Variants in RGS7 observed in about 807,000 individuals in gnomAD.
RGS7 encodes the protein regulator of G protein signaling 7.
In RGS7, 27 loss-of-function variants were observed where a neutral mutation model predicts 81.1. The ratio of observed to expected loss-of-function variants is 0.33; its 90% CI spans 0.25 to 0.46. The LOEUF (loss-of-function observed/expected upper bound fraction) is 0.46, where lower values mean the gene tolerates loss of function less well. RGS7 is among the 20% of genes least tolerant of loss of function. The pLI is 1.00. For synonymous variants in RGS7, 208 were observed against 207.7 expected (o/e 1.00, Z -0.01); for missense variants, 396 against 607.4 (o/e 0.65, Z 3.66).
intron 3 of RGS7, among the ~76,000 whole-genome samples, chr1:240,999,293 T>C (rs186829973): frequency 1.6e-4 from 24 of 152,014 alleles, no homozygotes; most frequent in Admixed American, 1.5e-3. Flanking sequence ...CCAATCTTTT[T>C]TGGCTTCCCT....
chr1:241,268,419 C>T (rs987246348), intron 2 of RGS7, among the ~76,000 whole-genome samples: 1 of 152,176 alleles, frequency 6.6e-6, no homozygotes, highest in African/African-American at 2.4e-5. Flanking sequence ...CCACTACACG[C>T]CAGGAGCACC....
At chr1:241,308,790 CAAAGA>C (rs986723512) in intron 2 of RGS7, among the ~76,000 whole-genome samples, 1 of 152,064 alleles carries the variant, frequency 6.6e-6, no homozygotes, top group Non-Finnish European at 1.5e-5. Flanking sequence ...CTTGGTTCAG[CAAAGA>C]AAAGAAAGGA....
At chr1:241,339,256 T>A (rs6657774) in intron 2 of RGS7, among the ~76,000 whole-genome samples, 30,214 of 152,206 alleles carry the variant, frequency 0.2, 3,139 homozygotes, top group East Asian at 0.29. Context: ...CCATGGTGTA[T>A]ACACACCACA....
At chr1:240,904,404 T>A (rs143944867) in intron 6 of RGS7, among the ~76,000 whole-genome samples, 36 of 152,306 alleles carry the variant, frequency 2.4e-4, no homozygotes, top group African/African-American at 8.2e-4. Context: ...CACTCAAGTG[T>A]GAGAATAAAA....
intron 2 of RGS7, among the ~76,000 whole-genome samples, chr1:241,222,536 A>AT (rs2075072964): frequency 6.6e-6 from 1 of 152,092 alleles, no homozygotes; most frequent in Admixed American, 6.6e-5. Flanking sequence ...GAATGGTATG[A>AT]TTTTCTGGCC....
intron 2 of RGS7, among the ~76,000 whole-genome samples, chr1:241,266,675 A>G (rs1054613817): frequency 6.6e-6 from 1 of 152,154 alleles, no homozygotes; most frequent in African/African-American, 2.4e-5. Context: ...AGTCTTCCAC[A>G]CTTTGTAGGA....
At chr1:240,805,143 G>T (rs2103067266) in intron 15 of RGS7, among the ~76,000 whole-genome samples, 1 of 152,234 alleles carries the variant, frequency 6.6e-6, no homozygotes, top group African/African-American at 2.4e-5. Flanking sequence ...GAGAGGCTAA[G>T]GTGGGAGGAT....
At chr1:241,039,705 A>G (rs759052530) in intron 3 of RGS7, among the ~76,000 whole-genome samples, 1 of 152,054 alleles carries the variant, frequency 6.6e-6, no homozygotes, top group African/African-American at 2.4e-5. Flanking sequence ...GGATAGGAAA[A>G]TCCCCTGCCC....
At chr1:241,222,092 C>T (rs1318587830) in intron 2 of RGS7, among the ~76,000 whole-genome samples, 1 of 152,140 alleles carries the variant, frequency 6.6e-6, no homozygotes, top group Admixed American at 6.5e-5. Flanking sequence ...TCTTGCCAAC[C>T]AGGGACATCC....
In RGS7 at chr1:241,049,528, G is replaced by T. The variant is rs114805010; in HGVS notation, c.175+49138C>A. On this transcript the variant is annotated intron_variant, in intron 3 of 18. Transcript: ENST00000440928. ...CCTCATGACTTTGCTACAGTGGGTA[G>T]TCAGGAGAAAGGGCTTTCCCCTACC... Among the ~76,000 whole-genome samples, 1,397 of 152,322 alleles carry T rather than the reference G, an allele frequency of 9.2e-3. 27 individuals carry two copies. Among genetic ancestry groups the T allele is most frequent in the African/African-American group, 0.033 (1,359 of 41,568 alleles).
intron 2 of RGS7, among the ~76,000 whole-genome samples, chr1:241,150,719 A>C (rs1192114376): frequency 1.3e-5 from 2 of 152,220 alleles, no homozygotes; most frequent in African/African-American, 2.4e-5. Context: ...ATACAGATAG[A>C]TGTGAGGGAA....
At chr1:240,806,537 A>C (rs567026458) in intron 14 of RGS7, among the ~76,000 whole-genome samples, 1 of 148,968 alleles carries the variant, frequency 6.7e-6, no homozygotes, top group African/African-American at 2.4e-5. Context: ...AAAATATAAA[A>C]ATATTAATAA....
At chr1:241,056,073 G>T (rs768329954) in intron 3 of RGS7, among the ~76,000 whole-genome samples, 1 of 152,138 alleles carries the variant, frequency 6.6e-6, no homozygotes, top group Non-Finnish European at 1.5e-5. Flanking sequence ...TCTGGCCCAT[G>T]ACTACCTCTC....
intron 15 of RGS7, among the ~76,000 whole-genome samples, chr1:240,805,220 A>G (rs976498213): frequency 6.6e-6 from 1 of 151,502 alleles, no homozygotes; most frequent in African/African-American, 2.4e-5. Flanking sequence ...CTCTACAAAA[A>G]AAAATAAAAA....
chr1:241,237,031 G>A (rs950683354), intron 2 of RGS7, among the ~76,000 whole-genome samples: 3 of 152,180 alleles, frequency 2.0e-5, no homozygotes, highest in Non-Finnish European at 4.4e-5. Flanking sequence ...GGTCTTCGGA[G>A]AAAATGGTTT....
At chr1:240,998,599 C>T (rs781273540) in intron 3 of RGS7, 73 of 845,564 alleles carry the variant, frequency 8.6e-5, no homozygotes, top group Non-Finnish European at 1.2e-4. Context: ...ACCAGGTCCA[C>T]CAGCCCCTAC....
chr1:241,327,137 A>AG lies in RGS7; in HGVS notation c.78+28561dup, dbSNP rs758490750. Among the ~76,000 whole-genome samples the AG allele has an allele frequency of 1.2e-3, 139 of 114,210 alleles. 6 individuals are homozygous for AG. Among genetic ancestry groups the AG allele is most frequent in the Admixed American group, 3.8e-3 (43 of 11,414 alleles). The allele number at this position is 114,210 out of a possible 152,430, so 74.9% of individuals were successfully genotyped here. ...AAGAAAGAAAGAAAGAAAGAAAGAA[A>AG]GAAAGAAAGGAAAGAAAGAAAGAAA... On this transcript the variant is annotated intron_variant, in intron 2 of 18. Transcript: ENST00000440928.
intron 2 of RGS7, among the ~76,000 whole-genome samples, chr1:241,298,322 A>G (rs1295909028): frequency 2.0e-5 from 3 of 152,224 alleles, no homozygotes; most frequent in African/African-American, 7.2e-5. Context: ...AGCTAGGAGG[A>G]GACCAGTATT....
At chr1:241,355,298 C>T (rs1557081) in intron 2 of RGS7, among the ~76,000 whole-genome samples, 147,098 of 152,344 alleles carry the variant, frequency 0.97, 71,227 homozygotes, top group East Asian at 1. Context: ...AAGTGGTCTA[C>T]TTTTATTTCT....
Sources: gnomAD v4.1 joint callset for allele counts (sites outside exome capture counted in the v4.1 genomes callset) on GRCh38, gnomAD v4.1.1 for gene constraint, MANE v1.5 for transcripts, NCBI Gene and HGNC (gene_info 2026-07-23, HGNC 2026-07-21) for gene names.